Variants in FRK observed in about 807,000 individuals in gnomAD.
FRK encodes the protein fyn related Src family tyrosine kinase.
A neutral mutation model predicts 56.4 loss-of-function variants in FRK; 51 were observed. That is an observed-to-expected ratio of 0.90 (90% CI 0.72 to 1.14). The LOEUF is 1.14. FRK is among the 50% of genes most tolerant of loss of function. The probability of loss-of-function intolerance (pLI) is 0.00; values close to 1 mark genes in which losing one functional copy is unlikely to be tolerated. For synonymous variants in FRK, 245 were observed against 217.9 expected, an observed-to-expected ratio of 1.12 and a Z score of -1.10; for missense variants, 570 against 601.4, an observed-to-expected ratio of 0.95 and a Z score of 0.55.
At chr6:115,982,222 C>T (rs992477896) in intron 2 of FRK, among the ~76,000 whole-genome samples, 2 of 152,120 alleles carry the variant, frequency 1.3e-5, no homozygotes, top group African/African-American at 2.4e-5. Flanking sequence ...TTGTACATCA[C>T]AGCTCCTGGT....
intron 1 of FRK, among the ~76,000 whole-genome samples, chr6:116,033,906 G>A (rs1776381674): frequency 6.6e-6 from 1 of 152,124 alleles, no homozygotes. Context: ...GGACCAGATG[G>A]GGACAGGAGC....
intron 2 of FRK, among the ~76,000 whole-genome samples, chr6:116,002,387 G>A (rs1309501246): frequency 2.0e-5 from 3 of 152,216 alleles, no homozygotes; most frequent in Admixed American, 2.0e-4. Flanking sequence ...GGGAGGCCAA[G>A]GGCGGTGGAT....
intron 1 of FRK, among the ~76,000 whole-genome samples, chr6:116,012,923 TG>T (rs1775525098): frequency 6.6e-6 from 1 of 152,158 alleles, no homozygotes; most frequent in Admixed American, 6.5e-5. Flanking sequence ...AAAATGAAAT[TG>T]ATTTTTCTGT....
At chr6:116,039,364 T>A (rs1776624649) in intron 1 of FRK, 2 of 1,471,888 alleles carry the variant, frequency 1.4e-6, no homozygotes. Context: ...AGCACCCGTA[T>A]CCATTTATGG....
At chr6:116,055,551 T>C (rs1287573156) in intron 1 of FRK, among the ~76,000 whole-genome samples, 1 of 152,262 alleles carries the variant, frequency 6.6e-6, no homozygotes, top group African/African-American at 2.4e-5. Context: ...GTGGCTCCTC[T>C]AGCCCTCCTA....
intron 2 of FRK, among the ~76,000 whole-genome samples, chr6:115,981,974 G>A (rs1774215926): frequency 6.6e-6 from 1 of 152,076 alleles, no homozygotes; most frequent in African/African-American, 2.4e-5. Context: ...TACTGTGATG[G>A]TTACTTTTAT....
intron 1 of FRK, among the ~76,000 whole-genome samples, chr6:116,022,494 G>A (rs1373154778): frequency 1.3e-5 from 2 of 152,012 alleles, no homozygotes; most frequent in Non-Finnish European, 2.9e-5. Flanking sequence ...CATTTAGAAG[G>A]TTATTTGAAA....
At chr6:116,086,428 G>A in the FRK span, among the ~76,000 whole-genome samples, 1 of 152,082 alleles carries the variant, frequency 6.6e-6, no homozygotes, top group Admixed American at 6.5e-5. Context: ...GTGCTGCTGG[G>A]TAAGCTCATT....
At chr6:116,011,761 G>A (rs1775480475) in intron 1 of FRK, among the ~76,000 whole-genome samples, 1 of 152,158 alleles carries the variant, frequency 6.6e-6, no homozygotes, top group South Asian at 2.1e-4. Flanking sequence ...CTAAATGAAA[G>A]GCTTGATTCA....
chr6:116,026,439 T>C (rs148925235), intron 1 of FRK, among the ~76,000 whole-genome samples: 2 of 147,626 alleles, frequency 1.4e-5, no homozygotes, highest in Admixed American at 7.0e-5. Context: ...AAAGAGTTCC[T>C]AGACGTGACA....
intron 1 of FRK, among the ~76,000 whole-genome samples, chr6:116,056,916 A>AG (rs1489716696): frequency 2.0e-5 from 3 of 152,248 alleles, no homozygotes; most frequent in African/African-American, 7.2e-5. Flanking sequence ...AGCATTTCTA[A>AG]GTGGGATAAG....
chr6:116,030,787 T>C lies in FRK; in HGVS notation c.345-26789A>G, dbSNP rs373321717. 3.1e-4 allele frequency among the ~76,000 whole-genome samples: 47 copies of C among 152,186 alleles called. No homozygotes were observed. In the East Asian group the frequency reaches 8.9e-3, roughly 29 times the overall value. On this transcript the variant is annotated intron_variant, in intron 1 of 7. Coordinates refer to ENST00000606080, the MANE Select transcript of FRK (RefSeq NM_002031.3). Reference sequence around the variant, plus strand: ...GTGTTTCCCTGAGTTCTGTGAGCCATTTGAGCAAACTAATCAAACCCCAAG... The same window carrying C: ...GTGTTTCCCTGAGTTCTGTGAGCCACTTGAGCAAACTAATCAAACCCCAAG...
rs195533 is a variant in FRK at position 115,932,940 on chromosome 6, C to T, written c.*9474G>A. On this transcript the variant is annotated 3_prime_UTR_variant, in exon 8 of 8. Transcript: ENST00000606080. ...GTTACCCCACAGGCTAGTTCTTTGT[C>T]TGTCTTTTAAGTCAACCCATTCCCA... The T allele has an allele frequency of 0.75, 114,134 of 152,066 alleles. 44,309 individuals are homozygous for T. Among genetic ancestry groups the T allele is most frequent in the African/African-American group, 0.94 (39,231 of 41,532 alleles). The allele number at this position is 152,066 out of a possible 1,614,324, so 9.4% of individuals were successfully genotyped here. A position where few individuals can be genotyped will look rare whatever the true frequency, so the allele number is the denominator to read the frequency against.
At chr6:115,997,413 A>G (rs988060066) in intron 2 of FRK, among the ~76,000 whole-genome samples, 5 of 152,022 alleles carry the variant, frequency 3.3e-5, no homozygotes, top group Non-Finnish European at 7.4e-5. Flanking sequence ...ACTCTGCTCA[A>G]AATCAGCACA....
the FRK span, among the ~76,000 whole-genome samples, chr6:116,071,638 A>C: frequency 6.6e-6 from 1 of 152,166 alleles, no homozygotes; most frequent in Non-Finnish European, 1.5e-5. Flanking sequence ...AGACCAATTA[A>C]AGGAAGCACA....
At chr6:116,088,843 C>A in the FRK span, among the ~76,000 whole-genome samples, 1 of 152,176 alleles carries the variant, frequency 6.6e-6, no homozygotes, top group African/African-American at 2.4e-5. Flanking sequence ...TCTGAGTTAA[C>A]TGACTGAAAG....
At chr6:115,966,050 TA>T (rs66727407) in intron 4 of FRK, among the ~76,000 whole-genome samples, 1,431 of 114,702 alleles carry the variant, frequency 0.012, 29 homozygotes, top group African/African-American at 0.046. Context: ...TAAAGTATAA[TA>T]AAAAAAAAAT....
chr6:115,995,834 T>A (rs190191106), intron 2 of FRK, among the ~76,000 whole-genome samples: 1 of 152,246 alleles, frequency 6.6e-6, no homozygotes, highest in East Asian at 1.9e-4. Context: ...ATATAACTTA[T>A]CATTGGTAAT....
chr6:116,099,311 T>A, the FRK span, among the ~76,000 whole-genome samples: 1 of 152,168 alleles, frequency 6.6e-6, no homozygotes, highest in African/African-American at 2.4e-5. Context: ...CTAAGGGAAG[T>A]CCCTAAAGTA....
Sources: allele counts gnomAD v4.1 joint callset (sites outside exome capture counted in the v4.1 genomes callset), GRCh38; gene constraint gnomAD v4.1.1; transcripts MANE v1.5; gene names NCBI Gene and HGNC (gene_info 2026-07-23, HGNC 2026-07-21).